Variants in STAB2 observed in about 807,000 individuals in gnomAD.
The protein encoded by STAB2 is stabilin 2.
A neutral mutation model predicts 338.1 loss-of-function variants in STAB2; 288 were observed. The ratio of observed to expected loss-of-function variants is 0.85; its 90% CI spans 0.77 to 0.94. STAB2 has a LOEUF of 0.94. Ranked by LOEUF, STAB2 falls within the 40% of genes least tolerant of loss-of-function variation. The pLI, the probability that STAB2 is intolerant of heterozygous loss-of-function variation, is 0.00. For missense variants in STAB2, 3,141 were observed against 3,210.1 expected, an observed-to-expected ratio of 0.98 and a Z score of 0.52; for synonymous variants, 1,202 against 1,193.3, an observed-to-expected ratio of 1.01 and a Z score of -0.15.
chr12:103,750,513 G>C, intron 59 of STAB2, 66 bp from the exon 60 acceptor site: 2 of 1,590,134 alleles, frequency 1.3e-6, no homozygotes, highest in South Asian at 2.3e-5. Flanking sequence ...TGGTCCCATG[G>C]GCACTTGGGC....
At chr12:103,718,937 G>A (rs1880541073) in intron 44 of STAB2, among the ~76,000 whole-genome samples, 1 of 152,172 alleles carries the variant, frequency 6.6e-6, no homozygotes, top group South Asian at 2.1e-4. Flanking sequence ...CCAGTCTGTA[G>A]GATATTGTTG....
At chr12:103,753,549 T>C (rs1883857630) in intron 61 of STAB2, among the ~76,000 whole-genome samples, 196 bp downstream of exon 61, 1 of 152,218 alleles carries the variant, frequency 6.6e-6, no homozygotes, top group Non-Finnish European at 1.5e-5. Flanking sequence ...GGGTACTTCG[T>C]GGATATTATT....
At chr12:103,668,464 G>A (rs1268420466) in intron 19 of STAB2, 179 bp from the exon 20 acceptor site, 6 of 595,344 alleles carry the variant, frequency 1.0e-5, no homozygotes, top group South Asian at 1.9e-5. Context: ...AAGGGAACAG[G>A]CCTAAAAAAG....
At chr12:103,686,879 C>T (rs946632704) in intron 27 of STAB2, among the ~76,000 whole-genome samples, 1 of 152,144 alleles carries the variant, frequency 6.6e-6, no homozygotes, top group Non-Finnish European at 1.5e-5. Flanking sequence ...CTCTCTCCTC[C>T]CCAACTCTGG....
chr12:103,660,588 C>A, intron 16 of STAB2, 95 bp from the exon 17 acceptor site: 1 of 1,433,672 alleles, frequency 7.0e-7, no homozygotes, highest in Non-Finnish European at 9.8e-7. Context: ...ACTTATTTCA[C>A]TTTGAAACCT....
chr12:103,631,590 G>A lies in STAB2; in HGVS notation c.488-8G>A, dbSNP rs1957463673. On this transcript the variant is annotated splice_region_variant and splice_polypyrimidine_tract_variant and intron_variant, in intron 5 of 68. Coordinates refer to ENST00000388887, the MANE Select transcript of STAB2 (RefSeq NM_017564.10). ...AGGTAATAAAAATCCCCCACTTTCT[G>A]TCTCCAGTGTGCAACTGTGTGCATG... 6.2e-7 allele frequency: 1 copy of A among 1,613,710 alleles called. No homozygotes were observed. The highest frequency in any genetic ancestry group is 1.1e-5 in the South Asian group (1 of 91,064).
At chr12:103,675,563 A>C (rs1198436995) in intron 23 of STAB2, among the ~76,000 whole-genome samples, 1 of 152,296 alleles carries the variant, frequency 6.6e-6, no homozygotes, top group Non-Finnish European at 1.5e-5. Flanking sequence ...AGACACTGTC[A>C]GGTGTTGAGA....
rs372618598 is a variant in STAB2 at position 103,688,143 on chromosome 12, C to T, written c.2998-25C>T. ...TCTGTGTTCTCTCCCATCTCTTCTT[C>T]CCTCCCTTGCATGATATGAATAAGG... is the stretch of plus-strand genomic sequence containing the variant. On this transcript the variant is annotated intron_variant, in intron 27 of 68. Coordinates refer to ENST00000388887, the MANE Select transcript of STAB2 (RefSeq NM_017564.10). 3.7e-6 allele frequency: 6 copies of T among 1,609,702 alleles called. No homozygotes were observed. In the African/African-American group the frequency reaches 8.0e-5, roughly 22 times the overall value.
At chr12:103,728,407 G>A (rs1881380396) in intron 47 of STAB2, among the ~76,000 whole-genome samples, 1 of 152,212 alleles carries the variant, frequency 6.6e-6, no homozygotes, top group South Asian at 2.1e-4. Context: ...ACTGCACCCA[G>A]CCTTGTTTGT....
Position 103,660,768 on chromosome 12 carries a change from G to T in STAB2, c.1869+5G>T. The T allele has an allele frequency of 6.2e-7, 1 of 1,613,914 alleles. No homozygotes were observed. On this transcript the variant is annotated splice_donor_5th_base_variant and intron_variant, in intron 17 of 68. Transcript: ENST00000388887. ...CAGTTCAACACCACCGACAATGTAA[G>T]TGAAAACTCAACCACCACCAGCATC...
At chr12:103,719,573 C>T (rs1424336085) in intron 44 of STAB2, among the ~76,000 whole-genome samples, 1 of 152,210 alleles carries the variant, frequency 6.6e-6, no homozygotes, top group Non-Finnish European at 1.5e-5. Context: ...GGCCTGCGGC[C>T]GCATCACTCC....
At chr12:103,640,345 G>A in intron 9 of STAB2, 89 bp downstream of exon 9, 1 of 1,538,222 alleles carries the variant, frequency 6.5e-7, no homozygotes, top group Non-Finnish European at 8.8e-7. Flanking sequence ...GGGAGGAAAT[G>A]TGTCTTATTC....
At position 103,687,536 on chromosome 12, in the gene STAB2, T is replaced by G. The variant is rs182048762; in HGVS notation, c.2998-632T>G. 2.5e-3 allele frequency among the ~76,000 whole-genome samples: 387 copies of G among 152,176 alleles called. 8 individuals are homozygous for G. The South Asian group carries it at 0.053, about 21-fold the overall frequency. On this transcript the variant is annotated intron_variant, in intron 27 of 68. Transcript: ENST00000388887. ...GTACCAACTGGGGTGGCTCTATATATAGAGAGAGCCATATGGGTAAATTAA... is the reference window on the plus strand; with the variant it reads ...GTACCAACTGGGGTGGCTCTATATAGAGAGAGAGCCATATGGGTAAATTAA...
chr12:103,731,682 A>AGTTTT (rs767785422), intron 50 of STAB2, 47 bp downstream of exon 50: 17 of 1,574,878 alleles, frequency 1.1e-5, no homozygotes, highest in Non-Finnish European at 1.4e-5. Context: ...TGCCTAAAGA[A>AGTTTT]GTTTTGTTTT....
intron 33 of STAB2, among the ~76,000 whole-genome samples, chr12:103,696,406 T>G (rs79217249): frequency 0.012 from 1,835 of 152,250 alleles, 30 homozygotes; most frequent in South Asian, 0.054. Context: ...TCTTCTCATG[T>G]GGGGTTGGGG....
intron 5 of STAB2, among the ~76,000 whole-genome samples, chr12:103,623,839 G>A (rs918161868): frequency 1.3e-5 from 2 of 152,160 alleles, no homozygotes; most frequent in African/African-American, 4.8e-5. Flanking sequence ...GAGCACCCAG[G>A]CCAAGCGCTC....
intron 1 of STAB2, among the ~76,000 whole-genome samples, chr12:103,589,721 A>G (rs1207830443): frequency 6.6e-6 from 1 of 152,228 alleles, no homozygotes; most frequent in Non-Finnish European, 1.5e-5. Context: ...GTCTTGAAGG[A>G]TATGGTTCAG....
At chr12:103,685,461 CGT>C (rs371511016) in intron 27 of STAB2, among the ~76,000 whole-genome samples, 2 of 108,100 alleles carry the variant, frequency 1.9e-5, no homozygotes, top group East Asian at 3.9e-4. Context: ...TGTGCGCGTG[CGT>C]GTGTGTGTGC....
Position 103,653,840 on chromosome 12 carries a change from GTGGATGGA to G in STAB2, c.1408-682_1408-675del, listed in dbSNP as rs148948039. ...GATACATGGATAGGTCACCGGATGG[GTGGATGGA>G]TGGATGGATGGATGGATGGATGGAT... On this transcript the variant is annotated intron_variant, in intron 12 of 68. Coordinates refer to ENST00000388887, the MANE Select transcript of STAB2 (RefSeq NM_017564.10). 1.0e-3 allele frequency among the ~76,000 whole-genome samples: 144 copies of G among 139,160 alleles called. 1 individual carries two copies. Among genetic ancestry groups the G allele is most frequent in the Middle Eastern group, 3.9e-3 (1 of 256 alleles). The allele number at this position is 139,160 out of a possible 152,430, so 91.3% of individuals were successfully genotyped here.
Sources: allele counts gnomAD v4.1 joint callset (sites outside exome capture counted in the v4.1 genomes callset), GRCh38; gene constraint gnomAD v4.1.1; transcripts MANE v1.5; gene names NCBI Gene and HGNC (gene_info 2026-07-23, HGNC 2026-07-21).